Variants in GPR149 observed in about 807,000 individuals in gnomAD.
The protein encoded by GPR149 is probable G protein-coupled receptor 149.
Under a neutral mutation model 50.2 loss-of-function variants are expected in GPR149, and 50 were observed. That is an observed-to-expected ratio of 1.00 (90% CI 0.79 to 1.26). The LOEUF (loss-of-function observed/expected upper bound fraction) is 1.26, where lower values mean the gene tolerates loss of function less well. GPR149 is among the 50% of genes most tolerant of loss of function. GPR149 has a pLI of 0.00. For missense variants in GPR149, 983 were observed against 895.4 expected (o/e 1.10, Z -1.25); for synonymous variants, 405 against 358.2 (o/e 1.13, Z -1.48).
At chr3:154,414,657 A>G (rs570197585) in intron 3 of GPR149, among the ~76,000 whole-genome samples, 2 of 152,180 alleles carry the variant, frequency 1.3e-5, no homozygotes, top group South Asian at 4.1e-4. Flanking sequence ...CATAAGATGT[A>G]TCAACATCAT....
In GPR149 at chr3:154,428,653, G is replaced by GACGACT; in HGVS notation, c.957_962dup (p.Val320_Val321dup). On this transcript the variant is annotated inframe_insertion, in exon 1 of 4. Coordinates refer to ENST00000389740, the MANE Select transcript of GPR149 (RefSeq NM_001038705.3). ...CTTTTACCATCATGGGCAGCCAAAG[G>GACGACT]ACGACTTTTGTAAGCGCTAGGATCA... is the stretch of plus-strand genomic sequence containing the variant. 1 of 1,612,834 alleles carries GACGACT rather than the reference G, an allele frequency of 6.2e-7. No individual in the cohort carries two copies. Among genetic ancestry groups the GACGACT allele is most frequent in the Non-Finnish European group, 8.5e-7 (1 of 1,179,472 alleles).
chr3:154,346,753 G>T (rs771873174), intron 3 of GPR149, among the ~76,000 whole-genome samples: 5 of 151,926 alleles, frequency 3.3e-5, no homozygotes, highest in Non-Finnish European at 5.9e-5. Context: ...GCCCCACCAT[G>T]CCTGGCTAAA....
intron 3 of GPR149, among the ~76,000 whole-genome samples, chr3:154,395,163 T>A (rs1409703449): frequency 6.6e-6 from 1 of 151,864 alleles, no homozygotes; most frequent in African/African-American, 2.4e-5. Flanking sequence ...AGAACAGATA[T>A]GAAGATTGAG....
intron 3 of GPR149, among the ~76,000 whole-genome samples, chr3:154,381,453 G>A (rs2108406804): frequency 6.6e-6 from 1 of 152,158 alleles, no homozygotes; most frequent in South Asian, 2.1e-4. Context: ...TTTTAAACTA[G>A]CATTTTTCTT....
Position 154,339,289 on chromosome 3 carries a change from C to G in GPR149, c.1624-1018G>C, listed in dbSNP as rs147742173. ...CAATCTGTATTTTAACAAGCCTTTCCGGTGATTCTGTTGCATAGTAAAGTT... is the reference window on the plus strand; with the variant it reads ...CAATCTGTATTTTAACAAGCCTTTCGGGTGATTCTGTTGCATAGTAAAGTT... On this transcript the variant is annotated intron_variant, in intron 3 of 3. Coordinates refer to ENST00000389740, the MANE Select transcript of GPR149 (RefSeq NM_001038705.3). Among the ~76,000 whole-genome samples, 1,077 of 152,200 alleles carry G rather than the reference C, an allele frequency of 7.1e-3. 12 individuals carry two copies. The highest frequency in any genetic ancestry group is 0.025 in the African/African-American group (1,041 of 41,504).
chr3:154,403,111 G>T (rs1203835275), intron 3 of GPR149, among the ~76,000 whole-genome samples: 1 of 152,090 alleles, frequency 6.6e-6, no homozygotes, highest in Non-Finnish European at 1.5e-5. Flanking sequence ...TCTGTCTTTG[G>T]CCCTGTCTTG....
chr3:154,394,051 G>A (rs958975965), intron 3 of GPR149, among the ~76,000 whole-genome samples: 4 of 151,920 alleles, frequency 2.6e-5, no homozygotes, highest in Non-Finnish European at 5.9e-5. Context: ...TTTACAGAAA[G>A]AGAAGAAATA....
At chr3:154,381,073 T>C (rs1017567795) in intron 3 of GPR149, among the ~76,000 whole-genome samples, 1 of 152,222 alleles carries the variant, frequency 6.6e-6, no homozygotes, top group Admixed American at 6.5e-5. Flanking sequence ...CATTAGATAA[T>C]TCTAACGTGT....
intron 3 of GPR149, among the ~76,000 whole-genome samples, chr3:154,364,975 C>A (rs1714495651): frequency 6.6e-6 from 1 of 152,108 alleles, no homozygotes; most frequent in African/African-American, 2.4e-5. Flanking sequence ...CTGGTGGGGA[C>A]TTTTTGCAGT....
chr3:154,352,736 T>A (rs1714111180), intron 3 of GPR149: 7 of 788,174 alleles, frequency 8.9e-6, no homozygotes, highest in South Asian at 6.7e-5. Context: ...GAAACGGAAG[T>A]CAGAAACCTG....
intron 3 of GPR149, among the ~76,000 whole-genome samples, chr3:154,392,209 T>C (rs745748112): frequency 6.6e-6 from 1 of 151,768 alleles, no homozygotes; most frequent in Non-Finnish European, 1.5e-5. Context: ...ATATACCTTC[T>C]CCTCTTTTCC....
chr3:154,429,065 A>G lies in GPR149; in HGVS notation c.551T>C (p.Val184Ala), dbSNP rs1158288618. 3 of 1,613,750 alleles carry G rather than the reference A, an allele frequency of 1.9e-6. No homozygotes were observed. The highest frequency in any genetic ancestry group is 2.5e-6 in the Non-Finnish European group (3 of 1,179,994). Reference protein sequence around the residue: ...AFVRTPWGCLVDCSSSYVLFL... With the variant: ...AFVRTPWGCLADCSSSYVLFL... ...TAGTACGTAGGAGCTGGAGCAGTCC[A>G]CCAGGCAGCCCCAGGGCGTGCGCAC... Residue 184 changes from valine to alanine, a missense_variant, in exon 1 of 4, where the codon GTG becomes GCG. Coordinates refer to ENST00000389740, the MANE Select transcript of GPR149 (RefSeq NM_001038705.3).
In GPR149 at chr3:154,337,630, A is replaced by C; in HGVS notation, c.*69T>G. On this transcript the variant is annotated 3_prime_UTR_variant, in exon 4 of 4. Transcript: ENST00000389740. ...CAACAAATAAAAGGAAATCAGTCTC[A>C]TAACAAAGGTGTTAGTTTCACAGTT... 1 of 1,179,022 alleles carries C rather than the reference A, an allele frequency of 8.5e-7. No individual in the cohort carries two copies. The highest frequency in any genetic ancestry group is 2.0e-4 in the Middle Eastern group (1 of 4,972). 73.0% of individuals were successfully genotyped at this position (1,179,022 alleles called of 1,614,324 possible). A position where few individuals can be genotyped will look rare whatever the true frequency, so the allele number is the denominator to read the frequency against.
At chr3:154,408,798 C>A (rs1182354039) in intron 3 of GPR149, among the ~76,000 whole-genome samples, 1 of 152,212 alleles carries the variant, frequency 6.6e-6, no homozygotes, top group East Asian at 1.9e-4. Flanking sequence ...CTCTATGGCC[C>A]TGCTCACCAC....
chr3:154,341,329 ATATAT>A (rs1713794807), intron 3 of GPR149, among the ~76,000 whole-genome samples: 1 of 97,404 alleles, frequency 1.0e-5, no homozygotes, highest in African/African-American at 3.7e-5. Context: ...ATATATATAT[ATATAT>A]ATATATAAAA....
At chr3:154,339,172 G>A (rs980321943) in intron 3 of GPR149, among the ~76,000 whole-genome samples, 4 of 152,092 alleles carry the variant, frequency 2.6e-5, no homozygotes, top group South Asian at 2.1e-4. Flanking sequence ...ACCCAGCATC[G>A]TCAGCAGCTT....
At chr3:154,348,740 C>T (rs563984214) in intron 3 of GPR149, among the ~76,000 whole-genome samples, 1 of 152,164 alleles carries the variant, frequency 6.6e-6, no homozygotes, top group East Asian at 1.9e-4. Context: ...CATCATTAAT[C>T]AATAAGATCT....
chr3:154,377,240 A>G (rs749196505), intron 3 of GPR149, among the ~76,000 whole-genome samples: 83 of 151,404 alleles, frequency 5.5e-4, no homozygotes, highest in Non-Finnish European at 1.0e-3. Context: ...ATATTAAATA[A>G]AAGGGATTTT....
At chr3:154,408,730 G>A (rs1346027963) in intron 3 of GPR149, among the ~76,000 whole-genome samples, 2 of 152,194 alleles carry the variant, frequency 1.3e-5, no homozygotes, top group East Asian at 3.8e-4. Flanking sequence ...GCTACCACCT[G>A]GTGGTCTTTC....
Sources: gnomAD v4.1 joint callset for allele counts (sites outside exome capture counted in the v4.1 genomes callset) on GRCh38, gnomAD v4.1.1 for gene constraint, MANE v1.5 for transcripts, NCBI Gene and HGNC (gene_info 2026-07-23, HGNC 2026-07-21) for gene names.